Variants in ASIC2 observed in about 807,000 individuals in gnomAD.
The protein encoded by ASIC2 is acid sensing ion channel subunit 2.
In ASIC2, 25 loss-of-function variants were observed where a neutral mutation model predicts 57.3. That is an observed-to-expected ratio of 0.44 (90% confidence interval 0.32 to 0.61). ASIC2 has a LOEUF of 0.61. ASIC2 is among the 20% of genes least tolerant of loss of function. The pLI, the probability that ASIC2 is intolerant of heterozygous loss-of-function variation, is 0.06. For synonymous variants in ASIC2, 319 were observed against 307.5 expected (o/e 1.04, Z -0.39); for missense variants, 641 against 738.1 (o/e 0.87, Z 1.52).
chr17:33,422,979 G>T (rs903545412), intron 1 of ASIC2, among the ~76,000 whole-genome samples: 5 of 152,096 alleles, frequency 3.3e-5, no homozygotes, highest in African/African-American at 4.8e-5. Flanking sequence ...TTAGAGTGCC[G>T]CACAGCCCTG....
intron 2 of ASIC2, among the ~76,000 whole-genome samples, chr17:33,099,435 G>T (rs1168995360): frequency 6.6e-6 from 1 of 152,194 alleles, no homozygotes; most frequent in Admixed American, 6.5e-5. Flanking sequence ...ACACTGTGGG[G>T]TGATGCGTCC....
At chr17:33,582,219 T>A (rs1904467839) in intron 1 of ASIC2, among the ~76,000 whole-genome samples, 1 of 152,236 alleles carries the variant, frequency 6.6e-6, no homozygotes, top group Non-Finnish European at 1.5e-5. Flanking sequence ...GGGACAGTAA[T>A]GCGTTGTGAG....
intron 1 of ASIC2, among the ~76,000 whole-genome samples, chr17:33,201,413 G>C (rs900439375): frequency 5.9e-5 from 9 of 152,182 alleles, no homozygotes; most frequent in African/African-American, 2.2e-4. Flanking sequence ...CTCTAGACCA[G>C]ATTGAAGACT....
chr17:33,961,469 T>C (rs1246373737), intron 1 of ASIC2, among the ~76,000 whole-genome samples: 1 of 152,180 alleles, frequency 6.6e-6, no homozygotes, highest in Non-Finnish European at 1.5e-5. Flanking sequence ...GAGAGTATCA[T>C]GGGAAATTCT....
At chr17:34,039,281 G>C in intron 1 of ASIC2, 1 of 1,613,902 alleles carries the variant, frequency 6.2e-7, no homozygotes, top group Non-Finnish European at 8.5e-7. Flanking sequence ...ATCTGTTTTT[G>C]GGAGCTGCAG....
chr17:33,889,514 C>T (rs971058260), intron 1 of ASIC2, among the ~76,000 whole-genome samples: 6 of 152,004 alleles, frequency 3.9e-5, no homozygotes, highest in East Asian at 1.9e-4. Context: ...TATATCAGAA[C>T]GTAGGTTTAA....
At chr17:34,048,815 G>C (rs752269959) in intron 1 of ASIC2, among the ~76,000 whole-genome samples, 3 of 152,162 alleles carry the variant, frequency 2.0e-5, no homozygotes, top group Non-Finnish European at 4.4e-5. Context: ...GGGAACTATA[G>C]ACCAGCAACA....
At chr17:33,593,291 G>A (rs924802575) in intron 1 of ASIC2, among the ~76,000 whole-genome samples, 2 of 152,186 alleles carry the variant, frequency 1.3e-5, no homozygotes, top group Non-Finnish European at 2.9e-5. Flanking sequence ...GAATCATGCA[G>A]TGACAGATTT....
intron 1 of ASIC2, among the ~76,000 whole-genome samples, chr17:33,698,652 C>A (rs1359384291): frequency 6.6e-6 from 1 of 152,144 alleles, no homozygotes; most frequent in African/African-American, 2.4e-5. Flanking sequence ...TGCCAGCCTG[C>A]CACATGGGGT....
rs571738088 is a variant in ASIC2, at chr17:33,490,658, C to T, written c.556-378591G>A. Among the ~76,000 whole-genome samples, 15 of 152,338 alleles carry T rather than the reference C, an allele frequency of 9.8e-5. 1 individual carries two copies. In the South Asian group the frequency reaches 2.3e-3, roughly 23 times the overall value. On this transcript the variant is annotated intron_variant, in intron 1 of 9. Coordinates refer to the ASIC2 transcript ENST00000359872. ...GACTTTGCTTCTCTTTTGCCTTCCG[C>T]CCTGATTGCGAGGCCTCCCCAGCCA...
At chr17:33,641,621 C>CT (rs1324569730) in intron 1 of ASIC2, among the ~76,000 whole-genome samples, 6 of 152,186 alleles carry the variant, frequency 3.9e-5, no homozygotes, top group Non-Finnish European at 7.3e-5. Context: ...GTGTGCCTCA[C>CT]TTTATCATCC....
At chr17:33,712,029 C>G (rs987669588) in intron 1 of ASIC2, among the ~76,000 whole-genome samples, 12 of 152,174 alleles carry the variant, frequency 7.9e-5, no homozygotes, top group African/African-American at 2.7e-4. Context: ...CCCCTTTTCT[C>G]CATACCTCCC....
chr17:33,718,304 T>C (rs1325094228), intron 1 of ASIC2, among the ~76,000 whole-genome samples: 1 of 152,202 alleles, frequency 6.6e-6, no homozygotes, highest in Non-Finnish European at 1.5e-5. Context: ...GACAGGTATA[T>C]TAAGATGAGC....
At chr17:33,905,423 G>A (rs1249576346) in intron 1 of ASIC2, among the ~76,000 whole-genome samples, 1 of 152,154 alleles carries the variant, frequency 6.6e-6, no homozygotes, top group Non-Finnish European at 1.5e-5. Context: ...ATTCATCAGA[G>A]GATAGAGCTA....
rs998180593 is a variant in ASIC2 at position 34,039,972 on chromosome 17, C to A, written c.555+116006G>T. On this transcript the variant is annotated intron_variant, in intron 1 of 9. Coordinates refer to the ASIC2 transcript ENST00000359872. ...GCTCCGCTCTCCCCCTGGGCAGGCCCGGGGCGGAGCCGGGGCCTCTCCTGA... is the reference window on the plus strand; with the variant it reads ...GCTCCGCTCTCCCCCTGGGCAGGCCAGGGGCGGAGCCGGGGCCTCTCCTGA... 6 of 1,021,540 alleles carry A rather than the reference C, an allele frequency of 5.9e-6. No homozygotes were observed. In the Admixed American group the frequency reaches 8.7e-5, roughly 15 times the overall value. The allele number at this position is 1,021,540 out of a possible 1,614,324, so 63.3% of individuals were successfully genotyped here.
intron 1 of ASIC2, among the ~76,000 whole-genome samples, chr17:33,802,375 A>G (rs1220472787): frequency 1.1e-4 from 16 of 152,342 alleles, no homozygotes; most frequent in East Asian, 1.9e-4. Context: ...AAATCGCCCA[A>G]TGATACATTT....
At chr17:33,998,103 A>C (rs936004438) in intron 1 of ASIC2, among the ~76,000 whole-genome samples, 8 of 151,978 alleles carry the variant, frequency 5.3e-5, no homozygotes, top group Admixed American at 2.0e-4. Flanking sequence ...CTGTTGCCTC[A>C]TGGTTCAGTT....
At chr17:34,147,376 G>A (rs1027207207) in intron 1 of ASIC2, among the ~76,000 whole-genome samples, 3 of 152,162 alleles carry the variant, frequency 2.0e-5, no homozygotes, top group Non-Finnish European at 4.4e-5. Context: ...AATTTCAATG[G>A]CTACTGAGGC....
At chr17:33,377,297 T>G (rs11658139) in intron 1 of ASIC2, among the ~76,000 whole-genome samples, 34,400 of 152,194 alleles carry the variant, frequency 0.23, 4,166 homozygotes, top group Non-Finnish European at 0.27. Context: ...GGGATCCACC[T>G]GCCTCAGCCT....
Sources: allele counts gnomAD v4.1 joint callset (sites outside exome capture counted in the v4.1 genomes callset), GRCh38; gene constraint gnomAD v4.1.1; transcripts MANE v1.5; gene names NCBI Gene and HGNC (gene_info 2026-07-23, HGNC 2026-07-21).